Variants in DGKH observed in about 807,000 individuals in gnomAD.
The protein encoded by DGKH is DAG kinase eta.
In DGKH, 90 loss-of-function variants were observed where a neutral mutation model predicts 159.3. The ratio of observed to expected loss-of-function variants is 0.57; its 90% CI spans 0.48 to 0.67. The LOEUF (loss-of-function observed/expected upper bound fraction) is 0.67, where lower values mean the gene tolerates loss of function less well. Among genes scored for constraint, DGKH ranks in the 30% least tolerant of loss-of-function variants. DGKH has a pLI of 0.00. For missense variants in DGKH, 1,181 were observed against 1,506.1 expected, an observed-to-expected ratio of 0.78 and a Z score of 3.57; for synonymous variants, 536 against 553.8, an observed-to-expected ratio of 0.97 and a Z score of 0.45.
At position 42,219,690 on chromosome 13, in the gene DGKH, C is replaced by A; in HGVS notation, c.3338C>A (p.Pro1113His). Residue 1113 changes from proline (P) to histidine (H), a missense_variant, in exon 28 of 30, where the codon CCT (proline) becomes CAT (histidine). Pro to His is a moderately conservative substitution (Grantham distance 77, BLOSUM62 -2). Transcript: ENST00000337343. Reference sequence around the variant, plus strand: ...TTTCTTGCTCGATTTGAACAGGAACCTCCTATGGATTGCACCAAAAGGAAC... The same window carrying A: ...TTTCTTGCTCGATTTGAACAGGAACATCCTATGGATTGCACCAAAAGGAAC... ...YILHPNEDEE[P>H]PMDCTKRNNR... 1.2e-6 allele frequency: 2 copies of A among 1,612,564 alleles called. No individual in the cohort carries two copies. Among genetic ancestry groups the A allele is most frequent in the Non-Finnish European group, 1.7e-6 (2 of 1,179,396 alleles).
At chr13:42,187,205 CTG>C in intron 14 of DGKH, 57 bp downstream of exon 14, 1 of 1,425,534 alleles carries the variant, frequency 7.0e-7, no homozygotes, top group Non-Finnish European at 9.8e-7. Flanking sequence ...TCACATTCAA[CTG>C]TGTTTCAAAG....
At chr13:42,101,849 G>C (rs1241939964) in intron 1 of DGKH, among the ~76,000 whole-genome samples, 2 of 152,134 alleles carry the variant, frequency 1.3e-5, no homozygotes, top group African/African-American at 4.8e-5. Flanking sequence ...GCAATGGAAA[G>C]ACTGGATCTG....
At chr13:42,184,534 C>G (rs1364591130) in intron 13 of DGKH, among the ~76,000 whole-genome samples, 1 of 151,944 alleles carries the variant, frequency 6.6e-6, no homozygotes, top group Non-Finnish European at 1.5e-5. Context: ...AGGAAGAGAA[C>G]AAAATTAAGG....
At chr13:42,040,638 G>A (rs1880431874) in intron 1 of DGKH, among the ~76,000 whole-genome samples, 1 of 151,362 alleles carries the variant, frequency 6.6e-6, no homozygotes, top group South Asian at 2.1e-4. Flanking sequence ...GCGCAGGGGA[G>A]CGGGACCGTG....
At chr13:42,176,457 T>A (rs9533023) in intron 12 of DGKH, among the ~76,000 whole-genome samples, 28 of 152,154 alleles carry the variant, frequency 1.8e-4, no homozygotes, top group African/African-American at 6.5e-4. Context: ...ATGCAACATC[T>A]TGTGTAACTT....
At chr13:42,247,838 G>A (rs1203137286), downstream of DGKH, among the ~76,000 whole-genome samples, 2 of 25,820 alleles carry the variant, frequency 7.7e-5, no homozygotes, top group Non-Finnish European at 1.6e-4. Context: ...AATGCTTATG[G>A]ATTAAGGATA....
intron 3 of DGKH, among the ~76,000 whole-genome samples, chr13:42,145,757 T>G (rs1161363551): frequency 2.0e-5 from 3 of 152,208 alleles, no homozygotes; most frequent in African/African-American, 7.2e-5. Flanking sequence ...TTTGACATAC[T>G]TCATTAATGC....
At chr13:42,079,307 A>G (rs751642193) in intron 1 of DGKH, among the ~76,000 whole-genome samples, 4 of 152,126 alleles carry the variant, frequency 2.6e-5, no homozygotes, top group Non-Finnish European at 4.4e-5. Context: ...ATACCAAGTT[A>G]TGGGTATATG....
chr13:42,166,378 C>A (rs1475326), intron 8 of DGKH, 137 bp from the exon 9 acceptor site: 2 of 622,852 alleles, frequency 3.2e-6, no homozygotes, highest in African/African-American at 1.9e-5. Context: ...AAATAGTTAA[C>A]CTATCTCTAT....
intron 3 of DGKH, 143 bp downstream of exon 3, chr13:42,129,775 A>T: frequency 3.0e-6 from 2 of 663,986 alleles, no homozygotes; most frequent in Non-Finnish European, 2.5e-6. Flanking sequence ...CTTTAAATAC[A>T]CTGTATATTC....
rs548970955 is a variant in DGKH, at chr13:42,091,561, A to C, written c.193-35902A>C. On this transcript the variant is annotated intron_variant, in intron 1 of 29. Transcript: ENST00000337343. ...ATTTTGTGTAAGGCACAAGCAACAAAAGCATAAATAGATAAATGGTATTAC... is the reference window on the plus strand; with the variant it reads ...ATTTTGTGTAAGGCACAAGCAACAACAGCATAAATAGATAAATGGTATTAC... Among the ~76,000 whole-genome samples the C allele has an allele frequency of 3.3e-5, 5 of 152,370 alleles. No homozygotes were observed. The South Asian group carries it at 1.0e-3, about 32-fold the overall frequency.
chr13:42,139,144 C>T (rs920806808), intron 3 of DGKH, among the ~76,000 whole-genome samples: 5 of 152,180 alleles, frequency 3.3e-5, no homozygotes, highest in South Asian at 2.1e-4. Flanking sequence ...AGTCTTAGGG[C>T]GTAAGAAACC....
At chr13:42,046,552 A>G (rs1405417397), upstream of DGKH, among the ~76,000 whole-genome samples, 1 of 152,246 alleles carries the variant, frequency 6.6e-6, no homozygotes, top group East Asian at 1.9e-4. Context: ...GAGGTATTAA[A>G]TGGCTCAGCT....
intron 21 of DGKH, among the ~76,000 whole-genome samples, chr13:42,207,125 CCTTCCTTCCTTCCT>C (rs1957518846): frequency 3.4e-5 from 1 of 29,718 alleles, no homozygotes; most frequent in East Asian, 9.8e-4. Flanking sequence ...CTTTCTCTCT[CCTTCCTTCCTTCCT>C]TCCTTCCTTC....
chr13:42,157,792 GTC>G (rs1272432545), intron 5 of DGKH, among the ~76,000 whole-genome samples: 1 of 152,130 alleles, frequency 6.6e-6, no homozygotes, highest in Non-Finnish European at 1.5e-5. Flanking sequence ...GTGTTGCTGT[GTC>G]TCCCAGGCTG....
intron 16 of DGKH, among the ~76,000 whole-genome samples, chr13:42,192,574 CCTT>C (rs1178554143): frequency 5.9e-5 from 8 of 135,260 alleles, no homozygotes; most frequent in East Asian, 2.2e-4. Context: ...TCCTCCTCCT[CCTT>C]CTTCTTCTTT....
intron 1 of DGKH, among the ~76,000 whole-genome samples, chr13:42,052,608 C>G (rs761685110): frequency 6.6e-6 from 1 of 152,212 alleles, no homozygotes; most frequent in Non-Finnish European, 1.5e-5. Context: ...GAGAATTTCA[C>G]AGGTATTTAC....
chr13:42,209,201 C>G, intron 22 of DGKH, 129 bp downstream of exon 22: 1 of 1,386,330 alleles, frequency 7.2e-7, no homozygotes, highest in Non-Finnish European at 9.8e-7. Context: ...TCAGTTTTTA[C>G]CATGTCATTT....
In DGKH at chr13:42,151,531, GTATATA is replaced by G. The variant is rs146776372; in HGVS notation, c.385-3751_385-3746del. On this transcript the variant is annotated intron_variant, in intron 3 of 29. Transcript: ENST00000337343. ...TATACACATGTATATATATACACGT[GTATATA>G]TATATATACACGTGTATATATGTAG... Among the ~76,000 whole-genome samples, 74 of 98,112 alleles carry G rather than the reference GTATATA, an allele frequency of 7.5e-4. 1 individual carries two copies. The East Asian group carries it at 0.015, about 20-fold the overall frequency. 64.4% of individuals were successfully genotyped at this position (98,112 alleles called of 152,430 possible).
Sources: allele counts gnomAD v4.1 joint callset (sites outside exome capture counted in the v4.1 genomes callset), GRCh38; gene constraint gnomAD v4.1.1; transcripts MANE v1.5; gene names NCBI Gene and HGNC (gene_info 2026-07-23, HGNC 2026-07-21).